The following SMG6 variants were observed in gnomAD, a reference collection of about 807,000 sequenced individuals.
SMG6 encodes SMG6 nonsense mediated mRNA decay factor, also known as telomerase-binding protein EST1A.
A neutral mutation model predicts 142.2 loss-of-function variants in SMG6; 66 were observed. The observed-to-expected ratio is 0.46, with a 90% CI of 0.38 to 0.57. SMG6 has a LOEUF of 0.57. SMG6 is among the 20% of genes least tolerant of loss of function. The pLI is 0.00. For missense variants in SMG6, 1,793 were observed against 1,832.0 expected (o/e 0.98, Z 0.39); for synonymous variants, 779 against 702.4 (o/e 1.11, Z -1.72).
rs1225807318 is a variant in SMG6, at chr17:2,299,097, T to TAGC, written c.1655_1656insGCT (p.Gly552_Gln553insLeu). ...TAGGTAGAGGGCTACACACATACTG[T>TAGC]CCTGACGGAGTCGGGTAGCCTGGGT... On this transcript the variant is annotated inframe_insertion, in exon 2 of 19. Transcript: ENST00000263073. The surrounding 1 kb of genome is among the most constrained non-coding windows in gnomAD (Gnocchi z 4.3). The TAGC allele has an allele frequency of 1.2e-6, 2 of 1,613,954 alleles. No individual in the cohort carries two copies. Among genetic ancestry groups the TAGC allele is most frequent in the Non-Finnish European group, 1.7e-6 (2 of 1,180,004 alleles).
chr17:2,231,177 T>G, intron 10 of SMG6, among the ~76,000 whole-genome samples: 1 of 152,252 alleles, frequency 6.6e-6, no homozygotes. Context: ...TCTGAACGTC[T>G]CTGAGATTGT....
intron 13 of SMG6, among the ~76,000 whole-genome samples, chr17:2,137,467 T>C (rs1010417909): frequency 2.6e-5 from 4 of 152,078 alleles, no homozygotes; most frequent in South Asian, 2.1e-4. Context: ...AGAAATGGTG[T>C]GACAGTACTC....
At chr17:2,248,638 C>A (rs1278912134) in intron 8 of SMG6, among the ~76,000 whole-genome samples, 2 of 152,190 alleles carry the variant, frequency 1.3e-5, no homozygotes, top group Non-Finnish European at 2.9e-5. Context: ...TCAAACTATA[C>A]ACACACTCTC....
chr17:2,259,037 C>T (rs1306903071), intron 8 of SMG6, among the ~76,000 whole-genome samples: 1 of 151,870 alleles, frequency 6.6e-6, no homozygotes, highest in Non-Finnish European at 1.5e-5. Context: ...GAGATCACAC[C>T]ACTGCACTCC....
At chr17:2,240,772 G>A (rs2073781138) in intron 9 of SMG6, among the ~76,000 whole-genome samples, 2 of 152,256 alleles carry the variant, frequency 1.3e-5, no homozygotes, top group Non-Finnish European at 1.5e-5. Context: ...CAGGCACAGA[G>A]CAGACCATGC....
intron 13 of SMG6, among the ~76,000 whole-genome samples, chr17:2,121,290 T>TA (rs2069679797): frequency 6.6e-6 from 1 of 152,124 alleles, no homozygotes; most frequent in Non-Finnish European, 1.5e-5. Flanking sequence ...ATTCATAAAA[T>TA]GGAATACTAC....
intron 4 of SMG6, 92 bp from the exon 5 acceptor site, chr17:2,293,069 A>T: frequency 1.1e-6 from 1 of 896,776 alleles, no homozygotes; most frequent in Non-Finnish European, 1.9e-6. Context: ...ACAATGTAGC[A>T]CTCGTAAGGC....
chr17:2,186,971 G>T, intron 11 of SMG6, 140 bp from the exon 12 acceptor site: 1 of 840,934 alleles, frequency 1.2e-6, no homozygotes, highest in Non-Finnish European at 1.8e-6. Flanking sequence ...GAGGACAAGC[G>T]CCAGCACCTA....
At chr17:2,238,542 C>T (rs947221389) in intron 9 of SMG6, among the ~76,000 whole-genome samples, 3 of 152,202 alleles carry the variant, frequency 2.0e-5, no homozygotes, top group Admixed American at 1.3e-4. Context: ...GGGGCTAGCA[C>T]TTCTCGTTAC....
chr17:2,174,628 C>T (rs1012420493), intron 12 of SMG6, among the ~76,000 whole-genome samples: 5 of 152,190 alleles, frequency 3.3e-5, no homozygotes, highest in Non-Finnish European at 7.3e-5. Flanking sequence ...GCTTCACAGG[C>T]TTTACCCAGG....
chr17:2,133,531 G>A (rs1597445146), intron 13 of SMG6, among the ~76,000 whole-genome samples: 1 of 152,156 alleles, frequency 6.6e-6, no homozygotes, highest in South Asian at 2.1e-4. Flanking sequence ...TTAGCTAAGA[G>A]TATGAGTGCA....
At position 2,071,238 on chromosome 17, in the gene SMG6, G is replaced by A. The variant is rs550038249; in HGVS notation, c.3682-2307C>T. Among the ~76,000 whole-genome samples the A allele has an allele frequency of 6.6e-6, 1 of 152,226 alleles. No homozygotes were observed. The highest frequency in any genetic ancestry group is 2.4e-5 in the African/African-American group (1 of 41,542). ...GAGAAACAACCGTCCAGCCTGGTCT[G>A]ACTCTATCAAGGAAGTGGCTGCCAT... On this transcript the variant is annotated intron_variant, in intron 15 of 18. Coordinates refer to ENST00000263073, the MANE Select transcript of SMG6 (RefSeq NM_017575.5). The surrounding 1 kb of genome is among the most constrained non-coding windows in gnomAD (Gnocchi z 5.6).
rs367950606 is a variant in SMG6 at position 2,242,327 on chromosome 17, G to A, written c.2723+2331C>T. 3.0e-5 allele frequency among the ~76,000 whole-genome samples: 4 copies of A among 132,870 alleles called. No homozygotes were observed. The East Asian group carries it at 6.6e-4, about 22-fold the overall frequency. 87.2% of individuals were successfully genotyped at this position (132,870 alleles called of 152,430 possible). A position where few individuals can be genotyped will look rare whatever the true frequency, so the allele number is the denominator to read the frequency against. ...GGAGATCGAGACCATCCTGGCTAAC[G>A]TAGTAAAACCCCATCTCTACTGAAG... On this transcript the variant is annotated intron_variant, in intron 9 of 18. Transcript: ENST00000263073.
intron 9 of SMG6, among the ~76,000 whole-genome samples, chr17:2,243,585 G>A (rs919971491): frequency 6.6e-6 from 1 of 152,194 alleles, no homozygotes; most frequent in Non-Finnish European, 1.5e-5. Flanking sequence ...GGGGGCTGAG[G>A]CAGAAGAATC....
At position 2,061,619 on chromosome 17, in the gene SMG6, T is replaced by TA; in HGVS notation, c.4132_4133insT (p.Glu1378ValfsTer15). The TA allele has an allele frequency of 6.4e-7, 1 of 1,571,202 alleles. No individual in the cohort carries two copies. The highest frequency in any genetic ancestry group is 8.6e-7 in the Non-Finnish European group (1 of 1,157,970). On this transcript the variant is annotated frameshift_variant, in exon 19 of 19. Coordinates refer to ENST00000263073, the MANE Select transcript of SMG6 (RefSeq NM_017575.5). LOFTEE classifies it high-confidence loss of function. Reference sequence around the variant, plus strand: ...CACCTCCCGCAGTAGCCGGATTGGCTCCTCTGTGGGCATGAGAGAGCAGAA... The same window carrying TA: ...CACCTCCCGCAGTAGCCGGATTGGCTACCTCTGTGGGCATGAGAGAGCAGAA...
intron 13 of SMG6, among the ~76,000 whole-genome samples, chr17:2,156,654 T>G (rs1328572723): frequency 6.6e-6 from 1 of 152,084 alleles, no homozygotes; most frequent in Non-Finnish European, 1.5e-5. Context: ...TTTTGTTTTT[T>G]TTTGCTTGTT....
intron 13 of SMG6, among the ~76,000 whole-genome samples, chr17:2,096,376 T>C (rs1320230696): frequency 6.6e-6 from 1 of 152,150 alleles, no homozygotes; most frequent in Non-Finnish European, 1.5e-5. Flanking sequence ...GCCCGGCTAA[T>C]TTTCATATTT....
chr17:2,127,138 C>CAAA (rs941523968), intron 13 of SMG6, among the ~76,000 whole-genome samples: 12 of 51,202 alleles, frequency 2.3e-4, no homozygotes, highest in African/African-American at 6.1e-4. Flanking sequence ...GACCTTGTCT[C>CAAA]AAAAAAAAAA....
intron 6 of SMG6, among the ~76,000 whole-genome samples, chr17:2,284,640 CA>C (rs1258136023): frequency 6.6e-6 from 1 of 152,180 alleles, no homozygotes; most frequent in Non-Finnish European, 1.5e-5. Flanking sequence ...ACCCATTCTT[CA>C]AAACTCCTAT....
Sources: allele counts gnomAD v4.1 joint callset (sites outside exome capture counted in the v4.1 genomes callset), GRCh38; gene constraint gnomAD v4.1.1; non-coding constraint Gnocchi (gnomAD v3.1); transcripts MANE v1.5; gene names NCBI Gene and HGNC (gene_info 2026-07-23, HGNC 2026-07-21).